The following CMTM3 variants were observed in gnomAD, a reference collection of about 807,000 sequenced individuals.
The protein encoded by CMTM3 is CKLF-like MARVEL transmembrane domain-containing protein 3.
Under a neutral mutation model 18.2 loss-of-function variants are expected in CMTM3, and 7 were observed. That is an observed-to-expected ratio of 0.38 (90% confidence interval 0.22 to 0.72). The LOEUF (loss-of-function observed/expected upper bound fraction) is 0.72. Among genes scored for constraint, CMTM3 ranks in the 30% least tolerant of loss-of-function variants. The pLI is 0.46. For synonymous variants in CMTM3, 109 were observed against 111.2 expected (o/e 0.98, Z 0.12); for missense variants, 227 against 249.2 (o/e 0.91, Z 0.60).
chr16:66,604,712 C>G lies in CMTM3; in HGVS notation c.-94C>G, dbSNP rs2015058945. The G allele has an allele frequency of 9.9e-7, 1 of 1,010,654 alleles. No individual in the cohort carries two copies. The highest frequency in any genetic ancestry group is 4.5e-5 in the Admixed American group (1 of 22,140). 62.6% of individuals were successfully genotyped at this position (1,010,654 alleles called of 1,614,324 possible). ...GCGCCCCTGCGCGAGCCAGTGTCGC[C>G]TGCCCTCCTTCCGCACAGCCCGGGT... On this transcript the variant is annotated 5_prime_UTR_variant, in exon 1 of 5. Coordinates refer to ENST00000567572, the MANE Select transcript of CMTM3 (RefSeq NM_181553.4).
upstream of CMTM3, chr16:66,604,139 G>A (rs1375463180): frequency 6.5e-6 from 1 of 152,914 alleles, no homozygotes; most frequent in Non-Finnish European, 1.5e-5. Context: ...GCGCGCGCGC[G>A]CGTGTGTGTG....
chr16:66,613,413 C>G lies in CMTM3; in HGVS notation c.*776C>G, dbSNP rs1373761783. 1 of 393,102 alleles carries G rather than the reference C, an allele frequency of 2.5e-6. No individual in the cohort carries two copies. Among genetic ancestry groups the G allele is most frequent in the Non-Finnish European group, 4.7e-6 (1 of 215,038 alleles). 24.4% of individuals were successfully genotyped at this position (393,102 alleles called of 1,614,324 possible). On this transcript the variant is annotated 3_prime_UTR_variant, in exon 5 of 5. Coordinates refer to ENST00000567572, the MANE Select transcript of CMTM3 (RefSeq NM_181553.4). ...CGGGCCCAGCCAAACCCTCCTTCTT[C>G]CTAGAGCCCAGCCAGCAGGCAGGAG...
In CMTM3 at chr16:66,609,495, G is replaced by A. The variant is rs372483559; in HGVS notation, c.364G>A (p.Ala122Thr). 41 of 1,609,954 alleles carry A rather than the reference G, an allele frequency of 2.5e-5. No individual in the cohort carries two copies. Among genetic ancestry groups the A allele is most frequent in the African/African-American group, 2.4e-4 (18 of 74,900 alleles). ...CTTTGCTATCTCCATCACGGCCATC[G>A]CCAAGTACTCGGATGGGGCTTCCAA... is the stretch of plus-strand genomic sequence containing the variant. ...IYFAISITAI[A>T]KYSDGASKAA... Residue 122 changes from alanine to threonine, a missense_variant, in exon 3 of 5, where the codon GCC becomes ACC. Transcript: ENST00000567572. This position sits in a 1 kb window ranked among gnomAD's most constrained non-coding sequence, Gnocchi z 4.4.
At position 66,604,778 on chromosome 16, in the gene CMTM3, G is replaced by A. The variant is rs950441967; in HGVS notation, c.-28G>A. On this transcript the variant is annotated 5_prime_UTR_variant, in exon 1 of 5. Coordinates refer to ENST00000567572, the MANE Select transcript of CMTM3 (RefSeq NM_181553.4). ...GGCGCGAGAAGAGGGGAGCCAGGCC[G>A]AGCCCCGGCCCTACCGCCGCCGCCG... The A allele has an allele frequency of 8.1e-6, 10 of 1,232,566 alleles. No homozygotes were observed. The highest frequency in any genetic ancestry group is 7.9e-5 in the African/African-American group (5 of 63,516). 76.4% of individuals were successfully genotyped at this position (1,232,566 alleles called of 1,614,324 possible).
chr16:66,606,282 G>A (rs1036270101), intron 1 of CMTM3, among the ~76,000 whole-genome samples: 18 of 152,208 alleles, frequency 1.2e-4, no homozygotes, highest in African/African-American at 3.1e-4. Context: ...CCCAGAAATC[G>A]CGGGATGAAA....
rs577902401 is a variant in CMTM3, at chr16:66,610,497, C to T, written c.520+494C>T. The stretch of plus-strand genomic sequence containing the variant: ...GCAATGACGACAGTAAAACAGGAGC[C>T]GATAGAGGGAGGGATACAGTAGCTG... On this transcript the variant is annotated intron_variant, in intron 4 of 4. Transcript: ENST00000567572. This position sits in a 1 kb window ranked among gnomAD's most constrained non-coding sequence, Gnocchi z 4.6. Among the ~76,000 whole-genome samples the T allele has an allele frequency of 2.0e-5, 3 of 152,216 alleles. No individual in the cohort carries two copies. Among genetic ancestry groups the T allele is most frequent in the Admixed American group, 6.5e-5 (1 of 15,298 alleles).
Position 66,605,285 on chromosome 16 carries a change from C to A in CMTM3, c.147+333C>A. On this transcript the variant is annotated intron_variant, in intron 1 of 4. Coordinates refer to ENST00000567572, the MANE Select transcript of CMTM3 (RefSeq NM_181553.4). The surrounding 1 kb of genome is among the most constrained non-coding windows in gnomAD (Gnocchi z 4.6). ...CCTCTCTGGGCCCCGGGGACTCGGG[C>A]AACTCGGACCTCCGGGACTCCCGGG... is the stretch of plus-strand genomic sequence containing the variant. The A allele has an allele frequency of 4.7e-6, 1 of 215,034 alleles. No homozygotes were observed. The highest frequency in any genetic ancestry group is 9.2e-6 in the Non-Finnish European group (1 of 108,942). 13.3% of individuals were successfully genotyped at this position (215,034 alleles called of 1,614,324 possible). A position where few individuals can be genotyped will look rare whatever the true frequency, so the allele number is the denominator to read the frequency against.
At chr16:66,611,553 C>A (rs2015378003) in intron 4 of CMTM3, among the ~76,000 whole-genome samples, 1 of 152,166 alleles carries the variant, frequency 6.6e-6, no homozygotes, top group Admixed American at 6.5e-5. Context: ...GCTGCCCACA[C>A]CCCAGCCCTG....
In CMTM3 at chr16:66,604,728, C is replaced by A; in HGVS notation, c.-78C>A. 1 of 1,121,654 alleles carries A rather than the reference C, an allele frequency of 8.9e-7. No individual in the cohort carries two copies. The highest frequency in any genetic ancestry group is 1.1e-6 in the Non-Finnish European group (1 of 894,260). 69.5% of individuals were successfully genotyped at this position (1,121,654 alleles called of 1,614,324 possible). ...CAGTGTCGCCTGCCCTCCTTCCGCA[C>A]AGCCCGGGTTTCCGCTTCCCTCCGG... On this transcript the variant is annotated 5_prime_UTR_variant, in exon 1 of 5. Coordinates refer to ENST00000567572, the MANE Select transcript of CMTM3 (RefSeq NM_181553.4).
At chr16:66,607,764 GGGTAAGGTGA>G (rs1364241328) in intron 1 of CMTM3, among the ~76,000 whole-genome samples, 1 of 152,140 alleles carries the variant, frequency 6.6e-6, no homozygotes, top group Non-Finnish European at 1.5e-5. Flanking sequence ...AGCTGGGGTG[GGGTAAGGTGA>G]GGACTCAGGG....
In CMTM3 at chr16:66,612,812, C is replaced by T; in HGVS notation, c.*175C>T. 1.5e-6 allele frequency: 1 copy of T among 654,976 alleles called. No homozygotes were observed. The highest frequency in any genetic ancestry group is 2.7e-6 in the Non-Finnish European group (1 of 376,194). 40.6% of individuals were successfully genotyped at this position (654,976 alleles called of 1,614,324 possible). ...CTGAGCCCAGCCTACCAGGCTTGCCCCTCAGCTCAGCACTGTTGACCACGC... is the reference window on the plus strand; with the variant it reads ...CTGAGCCCAGCCTACCAGGCTTGCCTCTCAGCTCAGCACTGTTGACCACGC... On this transcript the variant is annotated 3_prime_UTR_variant, in exon 5 of 5. Coordinates refer to ENST00000567572, the MANE Select transcript of CMTM3 (RefSeq NM_181553.4). This position sits in a 1 kb window ranked among gnomAD's most constrained non-coding sequence, Gnocchi z 6.0.
Position 66,609,565 on chromosome 16 carries a change from A to G in CMTM3, c.399+35A>G. On this transcript the variant is annotated intron_variant, in intron 3 of 4. Coordinates refer to ENST00000567572, the MANE Select transcript of CMTM3 (RefSeq NM_181553.4). The surrounding 1 kb of genome is among the most constrained non-coding windows in gnomAD (Gnocchi z 4.4). The stretch of plus-strand genomic sequence containing the variant: ...CGCCCCACCCCTCTGGAAACTGCAG[A>G]TGCCCCTCTAGCCCCTCATTTAGGG... 6 of 1,556,180 alleles carry G rather than the reference A, an allele frequency of 3.9e-6. No individual in the cohort carries two copies. The highest frequency in any genetic ancestry group is 5.2e-6 in the Non-Finnish European group (6 of 1,145,996).
At position 66,609,264 on chromosome 16, in the gene CMTM3, A is replaced by C. The variant is rs1386061780; in HGVS notation, c.304-171A>C. 3 of 611,796 alleles carry C rather than the reference A, an allele frequency of 4.9e-6. No homozygotes were observed. Among genetic ancestry groups the C allele is most frequent in the Non-Finnish European group, 8.6e-6 (3 of 346,904 alleles). 37.9% of individuals were successfully genotyped at this position (611,796 alleles called of 1,614,324 possible). ...CAGTGTCAGCTGCTGGCAAGGCAGC[A>C]GAGGCACCTCGGGGGTGGGACAAGG... On this transcript the variant is annotated intron_variant, in intron 2 of 4. Coordinates refer to ENST00000567572, the MANE Select transcript of CMTM3 (RefSeq NM_181553.4). The surrounding 1 kb of genome is among the most constrained non-coding windows in gnomAD (Gnocchi z 4.4).
chr16:66,610,019 G>C lies in CMTM3; in HGVS notation c.520+16G>C. 3 of 1,614,068 alleles carry C rather than the reference G, an allele frequency of 1.9e-6. No individual in the cohort carries two copies. Among genetic ancestry groups the C allele is most frequent in the Non-Finnish European group, 1.7e-6 (2 of 1,179,986 alleles). Reference sequence around the variant, plus strand: ...AAGACAGAAGGTAAGCGGCTGCCCTGATCACCCCAGCAGTGCTGCAACAGG... The same window carrying C: ...AAGACAGAAGGTAAGCGGCTGCCCTCATCACCCCAGCAGTGCTGCAACAGG... On this transcript the variant is annotated intron_variant, in intron 4 of 4. Transcript: ENST00000567572. The surrounding 1 kb of genome is among the most constrained non-coding windows in gnomAD (Gnocchi z 4.6).
At chr16:66,611,768 C>CA (rs1166801856) in intron 4 of CMTM3, among the ~76,000 whole-genome samples, 3 of 152,076 alleles carry the variant, frequency 2.0e-5, no homozygotes, top group Non-Finnish European at 4.4e-5. Flanking sequence ...ATTTCAGGAA[C>CA]CCTCGAGGTA....
intron 1 of CMTM3, among the ~76,000 whole-genome samples, chr16:66,606,942 T>C (rs906182451): frequency 2.6e-5 from 4 of 152,174 alleles, no homozygotes; most frequent in African/African-American, 9.6e-5. Context: ...TGCAGTGAAC[T>C]GAGATCGTGC....
rs1393019300 is a variant in CMTM3, at chr16:66,604,891, C to T, written c.86C>T (p.Ala29Val). The T allele has an allele frequency of 4.2e-6, 6 of 1,443,044 alleles. No individual in the cohort carries two copies. Among genetic ancestry groups the T allele is most frequent in the Non-Finnish European group, 5.4e-6 (6 of 1,103,328 alleles). The allele number at this position is 1,443,044 out of a possible 1,614,324, so 89.4% of individuals were successfully genotyped here. A position where few individuals can be genotyped will look rare whatever the true frequency, so the allele number is the denominator to read the frequency against. ...RPGPAVPGLR[A>V]LLPARAFLCS... ...GGCCCCGCGGTCCCCGGGCTCCGCGCCCTGCTGCCGGCGCGGGCTTTCCTC... is the reference window on the plus strand; with the variant it reads ...GGCCCCGCGGTCCCCGGGCTCCGCGTCCTGCTGCCGGCGCGGGCTTTCCTC... The change falls in exon 1 of 5, where the codon GCC (alanine) becomes GTC (valine). Residue 29 changes from alanine (A) to valine (V), a missense_variant. Ala to Val is a moderately conservative substitution (Grantham distance 64). Transcript: ENST00000567572.
rs2015113243 is a variant in CMTM3 at position 66,605,508 on chromosome 16, C to CGGCCGTGGG, written c.147+561_147+562insTGGGGGCCG. ...TCCTACTCCGCCCTCGCCCCCACCC[C>CGGCCGTGGG]GGCCGGTGGGGCTTCTTTGTCCTCT... On this transcript the variant is annotated intron_variant, in intron 1 of 4. Transcript: ENST00000567572. This position sits in a 1 kb window ranked among gnomAD's most constrained non-coding sequence, Gnocchi z 4.6. 6.6e-6 allele frequency: 1 copy of CGGCCGTGGG among 152,474 alleles called. No individual in the cohort carries two copies. The highest frequency in any genetic ancestry group is 1.5e-5 in the Non-Finnish European group (1 of 68,250). The allele number at this position is 152,474 out of a possible 1,614,324, so 9.4% of individuals were successfully genotyped here.
chr16:66,604,961 G>A lies in CMTM3; in HGVS notation c.147+9G>A, dbSNP rs764783474. On this transcript the variant is annotated intron_variant, in intron 1 of 4. Transcript: ENST00000567572. ...TCCTGCTGGCCGAGTCGGTGAGTGCGGCGGGACCCTCGGCCGCCCCGCTAG... is the reference window on the plus strand; with the variant it reads ...TCCTGCTGGCCGAGTCGGTGAGTGCAGCGGGACCCTCGGCCGCCCCGCTAG... The A allele has an allele frequency of 1.3e-6, 2 of 1,492,568 alleles. No homozygotes were observed. The highest frequency in any genetic ancestry group is 5.7e-5 in the East Asian group (2 of 34,790). 92.5% of individuals were successfully genotyped at this position (1,492,568 alleles called of 1,614,324 possible). A position where few individuals can be genotyped will look rare whatever the true frequency, so the allele number is the denominator to read the frequency against.
Sources: allele counts gnomAD v4.1 joint callset (sites outside exome capture counted in the v4.1 genomes callset), GRCh38; gene constraint gnomAD v4.1.1; non-coding constraint Gnocchi (gnomAD v3.1); transcripts MANE v1.5; gene names NCBI Gene and HGNC (gene_info 2026-07-23, HGNC 2026-07-21).